The following TDRP variants were observed in gnomAD, a reference collection of about 807,000 sequenced individuals.
TDRP encodes testis development-related protein.
In TDRP, 12 loss-of-function variants were observed where a neutral mutation model predicts 10.5. The observed-to-expected ratio is 1.15, with a 90% CI of 0.73 to 1.86. The LOEUF (loss-of-function observed/expected upper bound fraction) is 1.86. Among genes scored for constraint, TDRP ranks in the 40% most tolerant of loss-of-function variants. The pLI is 0.00. For synonymous variants in TDRP, 139 were observed against 95.4 expected, an observed-to-expected ratio of 1.46 and a Z score of -2.67; for missense variants, 353 against 229.2, an observed-to-expected ratio of 1.54 and a Z score of -3.49.
chr8:528,203 A>T (rs915222155), intron 1 of TDRP, among the ~76,000 whole-genome samples: 2 of 152,224 alleles, frequency 1.3e-5, no homozygotes, highest in African/African-American at 4.8e-5. Context: ...TCAAAACTAC[A>T]ATGAGATATC....
intron 1 of TDRP, among the ~76,000 whole-genome samples, chr8:526,157 C>T (rs1290764309): frequency 2.0e-5 from 3 of 151,954 alleles, no homozygotes; most frequent in Non-Finnish European, 4.4e-5. Context: ...GTAGCCATGC[C>T]CAGCTTATTT....
chr8:492,773 G>A (rs746643309), intron 2 of TDRP, 29 bp from the exon 3 acceptor site: 1 of 1,534,190 alleles, frequency 6.5e-7, no homozygotes, highest in South Asian at 1.3e-5. Flanking sequence ...TTAGGTGTTG[G>A]TGACCCAGGT....
chr8:533,640 A>C (rs1364424058), intron 1 of TDRP, among the ~76,000 whole-genome samples: 1 of 152,232 alleles, frequency 6.6e-6, no homozygotes, highest in African/African-American at 2.4e-5. Context: ...GGGGTTACTC[A>C]GAATTCTTCA....
intron 1 of TDRP, among the ~76,000 whole-genome samples, chr8:538,987 C>T (rs538827866): frequency 4.0e-4 from 61 of 152,348 alleles, no homozygotes; most frequent in African/African-American, 1.4e-3. Flanking sequence ...GACAGCTCCA[C>T]TTCTAGACTT....
chr8:509,277 G>T (rs1283961540), intron 1 of TDRP, among the ~76,000 whole-genome samples: 1 of 152,206 alleles, frequency 6.6e-6, no homozygotes, highest in African/African-American at 2.4e-5. Flanking sequence ...CCCCAGAGGG[G>T]ACTCTCTGTG....
chr8:525,495 T>C (rs1398812588), intron 1 of TDRP, among the ~76,000 whole-genome samples: 2 of 152,016 alleles, frequency 1.3e-5, no homozygotes, highest in Non-Finnish European at 2.9e-5. Flanking sequence ...TAAAAATAAC[T>C]TCTTAAGATG....
intron 1 of TDRP, among the ~76,000 whole-genome samples, chr8:537,660 G>A (rs1802383020): frequency 6.6e-6 from 1 of 152,114 alleles, no homozygotes; most frequent in Non-Finnish European, 1.5e-5. Flanking sequence ...ACCGGGGTTT[G>A]AGAATTATGA....
rs62485660 is a variant in TDRP at position 533,539 on chromosome 8, G to C, written c.108+11111C>G. 5.0e-3 allele frequency among the ~76,000 whole-genome samples: 756 copies of C among 152,252 alleles called. 3 individuals are homozygous for C. The highest frequency in any genetic ancestry group is 0.01 in the Middle Eastern group (3 of 294). The stretch of plus-strand genomic sequence containing the variant: ...AAACTCAGGTTCTCATTTCACAGCT[G>C]ACCTCCCTGACTAGAACCCCAGACG... On this transcript the variant is annotated intron_variant, in intron 1 of 2. Transcript: ENST00000324079.
chr8:505,904 G>A (rs995987345), intron 1 of TDRP, among the ~76,000 whole-genome samples: 10 of 152,186 alleles, frequency 6.6e-5, no homozygotes, highest in South Asian at 6.2e-4. Context: ...AAGTCGGCAC[G>A]TAGATATCAA....
At chr8:545,247 A>C (rs1005357075), upstream of TDRP, among the ~76,000 whole-genome samples, 40 of 23,414 alleles carry the variant, frequency 1.7e-3, no homozygotes, top group Non-Finnish European at 2.0e-3. Flanking sequence ...CCCCACCTTG[A>C]CCCCCACCTA....
At chr8:505,599 C>G (rs779576924) in intron 1 of TDRP, among the ~76,000 whole-genome samples, 2 of 152,178 alleles carry the variant, frequency 1.3e-5, no homozygotes, top group Non-Finnish European at 2.9e-5. Flanking sequence ...CAGCCATTTC[C>G]CATGAAGGCC....
intron 1 of TDRP, among the ~76,000 whole-genome samples, chr8:523,395 C>T (rs1319618812): frequency 1.3e-5 from 2 of 151,998 alleles, no homozygotes; most frequent in Non-Finnish European, 2.9e-5. Flanking sequence ...GAAGGAACAC[C>T]AAATTTAACA....
intron 1 of TDRP, among the ~76,000 whole-genome samples, chr8:541,345 T>C (rs997728939): frequency 6.6e-6 from 1 of 152,196 alleles, no homozygotes; most frequent in African/African-American, 2.4e-5. Context: ...TGGGAAAACC[T>C]TGGGTACAGT....
At chr8:503,979 G>A (rs548477164) in intron 1 of TDRP, among the ~76,000 whole-genome samples, 1 of 147,774 alleles carries the variant, frequency 6.8e-6, no homozygotes, top group African/African-American at 2.5e-5. Context: ...AGTCAACATG[G>A]AATCAAGAGC....
chr8:515,042 G>T (rs891979500), intron 1 of TDRP, among the ~76,000 whole-genome samples: 2 of 152,122 alleles, frequency 1.3e-5, no homozygotes, highest in African/African-American at 2.4e-5. Flanking sequence ...ATCAATACTG[G>T]AGACACAGGT....
intron 1 of TDRP, among the ~76,000 whole-genome samples, chr8:527,605 A>G (rs923483624): frequency 4.6e-5 from 7 of 152,174 alleles, no homozygotes; most frequent in Non-Finnish European, 7.4e-5. Context: ...AAATCCATAC[A>G]TCTACAGTGA....
chr8:512,016 A>G (rs1297229145), intron 1 of TDRP, among the ~76,000 whole-genome samples: 1 of 152,214 alleles, frequency 6.6e-6, no homozygotes, highest in Non-Finnish European at 1.5e-5. Context: ...AAAAAGAGCA[A>G]ACTAAACCTA....
intron 1 of TDRP, among the ~76,000 whole-genome samples, chr8:509,743 C>G (rs182064961): frequency 1.2e-4 from 18 of 152,328 alleles, no homozygotes; most frequent in African/African-American, 4.3e-4. Context: ...TGCTACTTAA[C>G]GCAAATTTCT....
intron 1 of TDRP, among the ~76,000 whole-genome samples, chr8:543,324 T>C (rs1052217276): frequency 5.3e-5 from 8 of 151,550 alleles, no homozygotes; most frequent in Non-Finnish European, 2.9e-5. Context: ...AAATAAAAAA[T>C]AAAAACTTAA....
Sources: allele counts gnomAD v4.1 joint callset (sites outside exome capture counted in the v4.1 genomes callset), GRCh38; gene constraint gnomAD v4.1.1; transcripts MANE v1.5; gene names NCBI Gene and HGNC (gene_info 2026-07-23, HGNC 2026-07-21).